The following TMEM178B variants were observed in gnomAD, a reference collection of about 807,000 sequenced individuals.
TMEM178B encodes transmembrane protein 178B.
Under a neutral mutation model 31.0 loss-of-function variants are expected in TMEM178B, and 5 were observed. The observed-to-expected ratio is 0.16, with a 90% CI of 0.08 to 0.34. TMEM178B has a LOEUF of 0.34. TMEM178B is among the 10% of genes least tolerant of loss of function. The pLI is 1.00. For synonymous variants in TMEM178B, 164 were observed against 164.0 expected (o/e 1.00, Z 0.00); for missense variants, 275 against 400.3 (o/e 0.69, Z 2.67).
At chr7:141,409,380 G>A (rs1397922970) in intron 2 of TMEM178B, among the ~76,000 whole-genome samples, 1 of 152,146 alleles carries the variant, frequency 6.6e-6, no homozygotes, top group African/African-American at 2.4e-5. Context: ...GAAGAACAAG[G>A]GAATGTTTGT....
At chr7:141,285,167 T>G (rs1180888345) in intron 2 of TMEM178B, among the ~76,000 whole-genome samples, 1 of 142,880 alleles carries the variant, frequency 7.0e-6, no homozygotes, top group Admixed American at 7.0e-5. Flanking sequence ...TTTTTTTTTT[T>G]TTTTTTTTTT....
chr7:141,278,454 G>A (rs933968230), intron 2 of TMEM178B, among the ~76,000 whole-genome samples: 8 of 152,138 alleles, frequency 5.3e-5, no homozygotes, highest in African/African-American at 9.7e-5. Context: ...TGGGGGCTGC[G>A]CACCTGTAAT....
chr7:141,250,973 C>T (rs994533685), intron 2 of TMEM178B, among the ~76,000 whole-genome samples: 14 of 152,150 alleles, frequency 9.2e-5, no homozygotes, highest in South Asian at 2.1e-4. Context: ...GAAAGGAAAA[C>T]TCCTTTCCTC....
rs71948091 is a variant in TMEM178B, at chr7:141,471,781, C to CGT, written c.*1031_*1032dup. The CGT allele has an allele frequency of 0.018, 2,637 of 142,602 alleles. 33 individuals are homozygous for CGT. The highest frequency in any genetic ancestry group is 0.035 in the African/African-American group (1,343 of 38,328). 8.8% of individuals were successfully genotyped at this position (142,602 alleles called of 1,614,324 possible). A position where few individuals can be genotyped will look rare whatever the true frequency, so the allele number is the denominator to read the frequency against. ...AGATCCCTGGAGTGGTGTGTGTGTG[C>CGT]GTGTGTGTGTGTGTGTGTGTGTGTG... On this transcript the variant is annotated 3_prime_UTR_variant, in exon 4 of 4. Transcript: ENST00000565468. The surrounding 1 kb of genome is among the most constrained non-coding windows in gnomAD (Gnocchi z 4.1).
chr7:141,419,134 G>A (rs556452076), intron 2 of TMEM178B, among the ~76,000 whole-genome samples: 12 of 152,078 alleles, frequency 7.9e-5, no homozygotes, highest in African/African-American at 2.4e-4. Context: ...AGTCTTGAAC[G>A]CCTGACCTCA....
At chr7:141,173,717 T>C (rs1019603571) in intron 1 of TMEM178B, among the ~76,000 whole-genome samples, 1 of 152,198 alleles carries the variant, frequency 6.6e-6, no homozygotes, top group Non-Finnish European at 1.5e-5. Context: ...TAGTTTTGGA[T>C]TGGTTGGCCA....
intron 1 of TMEM178B, among the ~76,000 whole-genome samples, chr7:141,150,008 G>T (rs1175282472): frequency 2.0e-5 from 3 of 152,162 alleles, no homozygotes; most frequent in Admixed American, 2.0e-4. Context: ...GGGAGGTGAA[G>T]GAAAGAGAGC....
chr7:141,465,297 G>A (rs887965231), intron 3 of TMEM178B, among the ~76,000 whole-genome samples: 1 of 152,118 alleles, frequency 6.6e-6, no homozygotes, highest in East Asian at 1.9e-4. Context: ...TGCAGTTCCC[G>A]TGCTGTAATT....
rs115161790 is a variant in TMEM178B, at chr7:141,466,365, G to T, written c.635-4171G>T. Among the ~76,000 whole-genome samples, 17 of 152,272 alleles carry T rather than the reference G, an allele frequency of 1.1e-4. No individual in the cohort carries two copies. The East Asian group carries it at 2.9e-3, about 26-fold the overall frequency. The stretch of plus-strand genomic sequence containing the variant: ...TGAAGAAGTTGAGTCATTTTCTACT[G>T]GTACTTAGGTCCACCCGGACCTTAT... On this transcript the variant is annotated intron_variant, in intron 3 of 3. Coordinates refer to ENST00000565468, the MANE Select transcript of TMEM178B (RefSeq NM_001195278.2).
intron 1 of TMEM178B, among the ~76,000 whole-genome samples, chr7:141,202,978 C>A (rs1359999884): frequency 6.6e-6 from 1 of 152,176 alleles, no homozygotes; most frequent in East Asian, 1.9e-4. Context: ...CTTTCATCAC[C>A]GACCAAGTTT....
intron 2 of TMEM178B, among the ~76,000 whole-genome samples, chr7:141,266,148 C>T (rs544935216): frequency 9.1e-4 from 139 of 152,304 alleles, no homozygotes; most frequent in Non-Finnish European, 1.5e-3. Context: ...TCTTAAATGC[C>T]TTAAGAAAAA....
At chr7:141,501,638 C>T in the TMEM178B span, among the ~76,000 whole-genome samples, 1 of 152,112 alleles carries the variant, frequency 6.6e-6, no homozygotes, top group African/African-American at 2.4e-5. Flanking sequence ...ACAGGTGGGC[C>T]TCATTTAATC....
intron 2 of TMEM178B, among the ~76,000 whole-genome samples, chr7:141,418,051 T>A (rs866776304): frequency 4.6e-5 from 7 of 152,218 alleles, no homozygotes; most frequent in Non-Finnish European, 7.3e-5. Context: ...GTCTGCTATA[T>A]TGACTTGGAT....
At chr7:141,400,420 G>A (rs1800739584) in intron 2 of TMEM178B, among the ~76,000 whole-genome samples, 1 of 152,162 alleles carries the variant, frequency 6.6e-6, no homozygotes, top group South Asian at 2.1e-4. Context: ...GGGGCCCTGG[G>A]AGGTATGTAT....
chr7:141,287,877 C>T (rs983548429), intron 2 of TMEM178B, among the ~76,000 whole-genome samples: 5 of 152,198 alleles, frequency 3.3e-5, no homozygotes, highest in African/African-American at 1.2e-4. Flanking sequence ...AGATCATTTT[C>T]CTAAGGAAAG....
intron 3 of TMEM178B, among the ~76,000 whole-genome samples, chr7:141,449,216 A>G (rs984884714): frequency 1.3e-5 from 2 of 152,152 alleles, no homozygotes; most frequent in Non-Finnish European, 2.9e-5. Flanking sequence ...ACAAGTCACA[A>G]ATCAAAGAAA....
At chr7:141,301,472 T>C (rs1178434221) in intron 2 of TMEM178B, among the ~76,000 whole-genome samples, 1 of 152,194 alleles carries the variant, frequency 6.6e-6, no homozygotes, top group Non-Finnish European at 1.5e-5. Context: ...ATTTTTTTTT[T>C]CTCTTGTAGG....
chr7:141,158,710 C>G (rs1466669929), intron 1 of TMEM178B, among the ~76,000 whole-genome samples: 1 of 152,130 alleles, frequency 6.6e-6, no homozygotes, highest in Admixed American at 6.5e-5. Flanking sequence ...CCTCTGAGCA[C>G]TGGGATCTGC....
rs139122698 is a variant in TMEM178B, at chr7:141,281,611, G to A, written c.496+68907G>A. Among the ~76,000 whole-genome samples the A allele has an allele frequency of 1.5e-3, 230 of 152,262 alleles. 1 individual carries two copies. The highest frequency in any genetic ancestry group is 5.1e-3 in the African/African-American group (212 of 41,540). On this transcript the variant is annotated intron_variant, in intron 2 of 3. Coordinates refer to ENST00000565468, the MANE Select transcript of TMEM178B (RefSeq NM_001195278.2). Reference sequence around the variant, plus strand: ...GCAAATGCACCCTGGTAATGGGAGGGTTCCTGTTTGTCCTGTGTGCTACCG... The same window carrying A: ...GCAAATGCACCCTGGTAATGGGAGGATTCCTGTTTGTCCTGTGTGCTACCG...
Sources: gnomAD v4.1 joint callset for allele counts (sites outside exome capture counted in the v4.1 genomes callset) on GRCh38, gnomAD v4.1.1 for gene constraint, Gnocchi (gnomAD v3.1) non-coding constraint, MANE v1.5 for transcripts, NCBI Gene and HGNC (gene_info 2026-07-23, HGNC 2026-07-21) for gene names.